DGKK: variants seen among roughly 807,000 people sequenced by gnomAD.
DGKK encodes diacylglycerol kinase kappa, also known as 142 kDa diacylglycerol kinase.
DGKK carries 35 observed loss-of-function variants against 92.2 expected under a neutral mutation model. That is an observed-to-expected ratio of 0.38 (90% CI 0.29 to 0.50). DGKK has a LOEUF of 0.50. DGKK is among the 20% of genes least tolerant of loss of function. The pLI is 0.92. For synonymous variants in DGKK, 368 were observed against 360.6 expected, an observed-to-expected ratio of 1.02 and a Z score of -0.23; for missense variants, 910 against 992.2, an observed-to-expected ratio of 0.92 and a Z score of 1.11.
chrX:50,447,364 A>C, intron 1 of DGKK, among the ~76,000 whole-genome samples: 2 of 13,384 alleles, frequency 1.5e-4, no homozygotes, highest in Admixed American at 1.7e-3. Context: ...TATAATATAT[A>C]TATATTATAT....
intron 4 of DGKK, 25 bp from the exon 5 acceptor site, chrX:50,404,209 G>A (rs1557226989): frequency 1.7e-6 from 2 of 1,185,678 alleles, no homozygotes; most frequent in African/African-American, 1.8e-5. Context: ...CGAGAAGAGA[G>A]AATGGAGGAT....
intron 1 of DGKK, among the ~76,000 whole-genome samples, chrX:50,436,298 A>G (rs186168482): frequency 8.9e-6 from 1 of 112,161 alleles, no homozygotes; most frequent in Non-Finnish European, 1.9e-5. Context: ...TGGTTATCTC[A>G]TTTGATTTTA....
chrX:50,386,186 AG>A lies in DGKK; in HGVS notation c.2347+171del, dbSNP rs1390332642. On this transcript the variant is annotated intron_variant, in intron 15 of 27. Transcript: ENST00000611977. Reference sequence around the variant, plus strand: ...CCAAAGGGGCAGCTTAGCAGGACTGAGGCTTTTCAAATCAGTAGTCTGAATA... The same window carrying A: ...CCAAAGGGGCAGCTTAGCAGGACTGAGCTTTTCAAATCAGTAGTCTGAATA... Among the ~76,000 whole-genome samples the A allele has an allele frequency of 6.3e-5, 7 of 111,634 alleles. No individual in the cohort carries two copies. In the Admixed American group the frequency reaches 6.7e-4, roughly 11 times the overall value.
At chrX:50,445,610 T>A (rs1420219542) in intron 1 of DGKK, among the ~76,000 whole-genome samples, 4 of 111,287 alleles carry the variant, frequency 3.6e-5, no homozygotes, top group Non-Finnish European at 7.6e-5. Flanking sequence ...ACCTTATTCC[T>A]AGGCTCTCTA....
At position 50,369,128 on chromosome X, in the gene DGKK, T is replaced by C. The variant is rs183744183; in HGVS notation, c.3737-109A>G. The C allele has an allele frequency of 1.5e-3, 792 of 536,436 alleles. 8 individuals carry two copies. The African/African-American group carries it at 0.016, about 11-fold the overall frequency. The allele number at this position is 536,436 out of a possible 1,213,427, so 44.2% of individuals were successfully genotyped here. A position where few individuals can be genotyped will look rare whatever the true frequency, so the allele number is the denominator to read the frequency against. Reference sequence around the variant, plus strand: ...AAAGTCTGTTAGAAGATAGACTGGTTTGTTCCTATTGTACTAACCATCTCT... The same window carrying C: ...AAAGTCTGTTAGAAGATAGACTGGTCTGTTCCTATTGTACTAACCATCTCT... On this transcript the variant is annotated intron_variant, in intron 27 of 27. Coordinates refer to ENST00000611977, the MANE Select transcript of DGKK (RefSeq NM_001013742.4).
intron 1 of DGKK, among the ~76,000 whole-genome samples, chrX:50,437,769 G>A (rs782169464): frequency 1.8e-5 from 2 of 111,455 alleles, no homozygotes; most frequent in Admixed American, 1.9e-4. Flanking sequence ...GGCTAGAGGT[G>A]GCAGCAAACA....
chrX:50,434,111 C>T (rs1448508941), intron 1 of DGKK, among the ~76,000 whole-genome samples: 1 of 110,889 alleles, frequency 9.0e-6, no homozygotes, highest in East Asian at 2.8e-4. Flanking sequence ...GGGCTCCCAC[C>T]ACCAAGAAAC....
chrX:50,422,400 G>T, intron 3 of DGKK, 46 bp downstream of exon 3: 1 of 1,048,811 alleles, frequency 9.5e-7, no homozygotes, highest in Non-Finnish European at 1.3e-6. Context: ...TATCTTCCCA[G>T]CTAGCCCCTA....
chrX:50,460,671 C>T (rs1173176575), intron 1 of DGKK, among the ~76,000 whole-genome samples: 1 of 111,954 alleles, frequency 8.9e-6, no homozygotes, highest in Non-Finnish European at 1.9e-5. Flanking sequence ...ATGCATTACA[C>T]TTCCCTTTTA....
intron 25 of DGKK, among the ~76,000 whole-genome samples, chrX:50,372,400 A>T (rs782785177): frequency 8.9e-6 from 1 of 112,150 alleles, no homozygotes; most frequent in South Asian, 3.7e-4. Context: ...ACATTGTCTT[A>T]TCAAAGACAT....
rs782158982 is a variant in DGKK at position 50,418,523 on chromosome X, G to A, written c.942+1880C>T. 4.5e-5 allele frequency among the ~76,000 whole-genome samples: 5 copies of A among 111,910 alleles called. No homozygotes were observed. In the East Asian group the frequency reaches 1.4e-3, roughly 32 times the overall value. On this transcript the variant is annotated intron_variant, in intron 4 of 27. Transcript: ENST00000611977. Reference sequence around the variant, plus strand: ...TTGCCCTATTTGTCAGGCATTGGTGGTGACAGAAGATAGAAGGGACCATTA... The same window carrying A: ...TTGCCCTATTTGTCAGGCATTGGTGATGACAGAAGATAGAAGGGACCATTA...
chrX:50,446,730 G>A (rs782686717), intron 1 of DGKK, among the ~76,000 whole-genome samples: 4 of 111,169 alleles, frequency 3.6e-5, no homozygotes, highest in African/African-American at 1.3e-4. Context: ...AAATTTTGAT[G>A]AGGTATAATT....
chrX:50,367,676 C>A lies in DGKK; in HGVS notation c.*1264G>T, dbSNP rs1434950561. 1.8e-5 allele frequency: 2 copies of A among 111,478 alleles called. No homozygotes were observed. The highest frequency in any genetic ancestry group is 6.5e-5 in the African/African-American group (2 of 30,600). The allele number at this position is 111,478 out of a possible 1,213,427, so 9.2% of individuals were successfully genotyped here. Reference sequence around the variant, plus strand: ...GTTCAGGCATCTAAGTCACAGAGCTCAAGGCCTGGTTGCTCCATATAGTCT... The same window carrying A: ...GTTCAGGCATCTAAGTCACAGAGCTAAAGGCCTGGTTGCTCCATATAGTCT... On this transcript the variant is annotated 3_prime_UTR_variant, in exon 28 of 28. Coordinates refer to ENST00000611977, the MANE Select transcript of DGKK (RefSeq NM_001013742.4).
chrX:50,457,661 T>C (rs189307701), intron 1 of DGKK, among the ~76,000 whole-genome samples: 17 of 112,171 alleles, frequency 1.5e-4, no homozygotes, highest in African/African-American at 4.2e-4. Flanking sequence ...GTACAGTTTA[T>C]AGTACACTGA....
rs782063108 is a variant in DGKK at position 50,374,541 on chromosome X, G to A, written c.3501+430C>T. ...CGAATATATTAATAGCTAGTAAGTG[G>A]CAGATTTGAGATTTGAACCCAGGAA... On this transcript the variant is annotated intron_variant, in intron 25 of 27. Coordinates refer to ENST00000611977, the MANE Select transcript of DGKK (RefSeq NM_001013742.4). Among the ~76,000 whole-genome samples, 3 of 111,285 alleles carry A rather than the reference G, an allele frequency of 2.7e-5. No homozygotes were observed. In the South Asian group the frequency reaches 1.2e-3, roughly 43 times the overall value.
chrX:50,469,915 A>C (rs893961320), intron 1 of DGKK, 119 bp downstream of exon 1: 4 of 1,061,344 alleles, frequency 3.8e-6, no homozygotes. Flanking sequence ...CTTTCTCAGC[A>C]TCTTGGCCAG....
At chrX:50,414,469 A>T (rs1925382531) in intron 4 of DGKK, among the ~76,000 whole-genome samples, 1 of 111,809 alleles carries the variant, frequency 8.9e-6, no homozygotes, top group African/African-American at 3.2e-5. Flanking sequence ...AATCTGTGTA[A>T]TTATGATTTG....
chrX:50,423,851 T>G (rs782096413), intron 2 of DGKK, among the ~76,000 whole-genome samples: 92 of 112,353 alleles, frequency 8.2e-4, no homozygotes, highest in African/African-American at 2.8e-3. Context: ...TACTTAGAAT[T>G]GCATTAGCAA....
intron 4 of DGKK, among the ~76,000 whole-genome samples, chrX:50,415,792 G>C (rs7888440): frequency 0.037 from 4,048 of 110,825 alleles, 192 homozygotes; most frequent in African/African-American, 0.13. Flanking sequence ...TGACTTCATA[G>C]GTTCACAGCT....
Sources: allele counts gnomAD v4.1 joint callset (sites outside exome capture counted in the v4.1 genomes callset), GRCh38; gene constraint gnomAD v4.1.1; transcripts MANE v1.5; gene names NCBI Gene and HGNC (gene_info 2026-07-23, HGNC 2026-07-21).